The following CSMD1 variants were observed in gnomAD, a reference collection of about 807,000 sequenced individuals.
CSMD1 encodes the protein CUB and Sushi multiple domains 1.
A neutral mutation model predicts 417.5 loss-of-function variants in CSMD1; 213 were observed. The ratio of observed to expected loss-of-function variants is 0.51; its 90% CI spans 0.46 to 0.57. CSMD1 has a LOEUF of 0.57. Ranked by LOEUF, CSMD1 falls within the 20% of genes least tolerant of loss-of-function variation. CSMD1 has a pLI of 0.00. For missense variants in CSMD1, 6,923 were observed against 4,529.7 expected (o/e 1.53, Z -15.17); for synonymous variants, 2,862 against 1,736.8 (o/e 1.65, Z -16.11).
chr8:4,241,947 T>A (rs1585082787), intron 3 of CSMD1, among the ~76,000 whole-genome samples: 1 of 152,268 alleles, frequency 6.6e-6, no homozygotes, highest in East Asian at 1.9e-4. Flanking sequence ...ATTGACCAGA[T>A]TCAGTATAAG....
chr8:3,166,021 A>G (rs575009589), intron 37 of CSMD1, among the ~76,000 whole-genome samples: 2 of 152,272 alleles, frequency 1.3e-5, no homozygotes, highest in East Asian at 1.9e-4. Context: ...AAATTAGACT[A>G]TTTATATTTA....
intron 55 of CSMD1, among the ~76,000 whole-genome samples, chr8:2,977,456 C>T (rs28397677): frequency 0.016 from 2,389 of 152,302 alleles, 62 homozygotes; most frequent in African/African-American, 0.055. Context: ...GGCTGCATCA[C>T]GTTCCACGGT....
chr8:3,819,448 T>A (rs780848977), intron 5 of CSMD1, among the ~76,000 whole-genome samples: 1 of 152,088 alleles, frequency 6.6e-6, no homozygotes, highest in East Asian at 1.9e-4. Context: ...AAGCTAGAAG[T>A]GCTTCCAACT....
chr8:4,192,456 G>A (rs73658453), intron 3 of CSMD1, among the ~76,000 whole-genome samples: 4,236 of 152,126 alleles, frequency 0.028, 211 homozygotes, highest in African/African-American at 0.096. Context: ...GTGGCTCTCC[G>A]TGAATCTCGG....
chr8:3,569,979 C>T (rs1263545547), intron 10 of CSMD1, among the ~76,000 whole-genome samples: 2 of 151,998 alleles, frequency 1.3e-5, no homozygotes, highest in Non-Finnish European at 2.9e-5. Context: ...TTATTAAGTC[C>T]TCACAATCAA....
At chr8:3,554,464 C>A (rs1370758782) in intron 10 of CSMD1, among the ~76,000 whole-genome samples, 2 of 152,078 alleles carry the variant, frequency 1.3e-5, no homozygotes, top group African/African-American at 2.4e-5. Flanking sequence ...GTCACAGACA[C>A]CCCACATTGA....
At chr8:4,532,504 C>T (rs1288997069) in intron 2 of CSMD1, among the ~76,000 whole-genome samples, 13 of 149,820 alleles carry the variant, frequency 8.7e-5, no homozygotes, top group African/African-American at 2.0e-4. Flanking sequence ...AATCCCGCAC[C>T]CCCATTCAGT....
At chr8:4,646,858 A>C (rs549478462) in intron 1 of CSMD1, among the ~76,000 whole-genome samples, 1 of 152,246 alleles carries the variant, frequency 6.6e-6, no homozygotes, top group East Asian at 1.9e-4. Flanking sequence ...TATGAAAATT[A>C]TACAGATATG....
chr8:3,374,084 C>A (rs1395283755), intron 18 of CSMD1, among the ~76,000 whole-genome samples: 1 of 151,826 alleles, frequency 6.6e-6, no homozygotes, highest in African/African-American at 2.4e-5. Flanking sequence ...TCCTCAATAG[C>A]TGGGATTACA....
At chr8:4,284,407 T>G (rs1334288990) in intron 3 of CSMD1, among the ~76,000 whole-genome samples, 1 of 132,954 alleles carries the variant, frequency 7.5e-6, no homozygotes, top group Non-Finnish European at 1.6e-5. Flanking sequence ...AGGTTGTTCT[T>G]CAGGAGAGAC....
At chr8:4,121,357 C>G (rs191248018) in intron 3 of CSMD1, among the ~76,000 whole-genome samples, 56 of 152,222 alleles carry the variant, frequency 3.7e-4, no homozygotes, top group African/African-American at 1.3e-3. Context: ...TCAGATGATC[C>G]ACCCACCTTG....
intron 1 of CSMD1, among the ~76,000 whole-genome samples, chr8:4,651,039 G>A (rs944384116): frequency 6.6e-6 from 1 of 152,114 alleles, no homozygotes; most frequent in South Asian, 2.1e-4. Context: ...ACTGATCAAA[G>A]CAGTACAAAG....
At chr8:4,748,014 C>T (rs1392128597) in intron 1 of CSMD1, among the ~76,000 whole-genome samples, 3 of 152,186 alleles carry the variant, frequency 2.0e-5, no homozygotes, top group African/African-American at 7.2e-5. Context: ...CTAAGTTATC[C>T]ATCTTCCAAA....
intron 1 of CSMD1, among the ~76,000 whole-genome samples, chr8:4,722,956 T>G (rs762280599): frequency 1.3e-5 from 2 of 152,218 alleles, no homozygotes; most frequent in African/African-American, 2.4e-5. Context: ...CGGTGGGGTT[T>G]CAGCTTAGAG....
intron 2 of CSMD1, among the ~76,000 whole-genome samples, chr8:4,587,013 A>C (rs11784571): frequency 0.46 from 70,447 of 152,074 alleles, 16,355 homozygotes; most frequent in South Asian, 0.5. Context: ...ATACCCATTA[A>C]AAATAAGTTT....
At chr8:4,062,292 G>C (rs756126222) in intron 3 of CSMD1, among the ~76,000 whole-genome samples, 1 of 152,104 alleles carries the variant, frequency 6.6e-6, no homozygotes. Context: ...TGGCAGAATA[G>C]AGCATGTCAA....
chr8:3,643,911 C>T (rs886442950), intron 7 of CSMD1, among the ~76,000 whole-genome samples: 1 of 152,080 alleles, frequency 6.6e-6, no homozygotes, highest in Middle Eastern at 3.2e-3. Flanking sequence ...AAGAGATGAA[C>T]AAAACCTAAA....
intron 2 of CSMD1, among the ~76,000 whole-genome samples, chr8:4,562,466 T>C (rs151039619): frequency 7.9e-5 from 12 of 152,316 alleles, no homozygotes; most frequent in African/African-American, 1.7e-4. Context: ...ACTGTAGAGA[T>C]TGAATTCATT....
rs1218931391 is a variant in CSMD1 at position 4,815,694 on chromosome 8, CAAAA to C, written c.86-178140_86-178137del. Among the ~76,000 whole-genome samples the C allele has an allele frequency of 4.8e-3, 326 of 67,620 alleles. 2 individuals are homozygous for C. Among genetic ancestry groups the C allele is most frequent in the African/African-American group, 0.016 (297 of 18,738 alleles). 44.4% of individuals were successfully genotyped at this position (67,620 alleles called of 152,430 possible). A position where few individuals can be genotyped will look rare whatever the true frequency, so the allele number is the denominator to read the frequency against. On this transcript the variant is annotated intron_variant, in intron 1 of 69. Coordinates refer to ENST00000635120, the MANE Select transcript of CSMD1 (RefSeq NM_033225.6). ...CTGGGCAACAAGACCAAAGCTGTCT[CAAAA>C]AAAAAAAAAAAAAAAAAAAAGAAGA...
Sources: allele counts gnomAD v4.1 joint callset (sites outside exome capture counted in the v4.1 genomes callset), GRCh38; gene constraint gnomAD v4.1.1; transcripts MANE v1.5; gene names NCBI Gene and HGNC (gene_info 2026-07-23, HGNC 2026-07-21).